BCL11B: variants seen among roughly 807,000 people sequenced by gnomAD.
BCL11B encodes B-cell lymphoma/leukemia 11B.
In BCL11B, 8 loss-of-function variants were observed where a neutral mutation model predicts 49.9. That is an observed-to-expected ratio of 0.16 (90% CI 0.09 to 0.29). BCL11B has a LOEUF of 0.29. Ranked by LOEUF, BCL11B falls within the 10% of genes least tolerant of loss-of-function variation. The probability of loss-of-function intolerance (pLI) is 1.00; values close to 1 mark genes in which losing one functional copy is unlikely to be tolerated. For synonymous variants in BCL11B, 739 were observed against 637.4 expected, an observed-to-expected ratio of 1.16 and a Z score of -2.40; for missense variants, 1,006 against 1,351.0, an observed-to-expected ratio of 0.74 and a Z score of 4.00.
intron 3 of BCL11B, among the ~76,000 whole-genome samples, chr14:99,203,324 G>C (rs1014306202): frequency 1.3e-5 from 2 of 152,222 alleles, no homozygotes; most frequent in African/African-American, 4.8e-5. Context: ...CCAGGACAGA[G>C]AGAGACTTCT....
At chr14:99,230,114 C>G (rs1463848967) in intron 3 of BCL11B, among the ~76,000 whole-genome samples, 23 of 152,166 alleles carry the variant, frequency 1.5e-4, no homozygotes, top group Admixed American at 1.5e-3. Context: ...GGAGGGTACA[C>G]TAAAGCTCCA....
intron 3 of BCL11B, among the ~76,000 whole-genome samples, chr14:99,229,254 G>T (rs1468323663): frequency 6.6e-6 from 1 of 152,204 alleles, no homozygotes; most frequent in East Asian, 1.9e-4. Flanking sequence ...TGCTGTGAGG[G>T]TTAAATTCAA....
intron 3 of BCL11B, among the ~76,000 whole-genome samples, chr14:99,199,673 TGTGTGTGTGTGCGCGC>T (rs1358613164): frequency 2.7e-4 from 23 of 84,440 alleles, no homozygotes; most frequent in South Asian, 1.2e-3. Flanking sequence ...TGTGTGTGTG[TGTGTGTGTGTGCGCGC>T]GCGCGCGCAC....
chr14:99,235,780 C>T (rs1888480084), intron 2 of BCL11B, among the ~76,000 whole-genome samples: 1 of 151,786 alleles, frequency 6.6e-6, no homozygotes, highest in Non-Finnish European at 1.5e-5. Flanking sequence ...GACTGTTTGA[C>T]AAGTTTGCAA....
intron 3 of BCL11B, among the ~76,000 whole-genome samples, chr14:99,208,503 G>A (rs962181057): frequency 3.9e-5 from 6 of 152,194 alleles, no homozygotes; most frequent in African/African-American, 1.2e-4. Flanking sequence ...GTCTCCTGAA[G>A]CGCTAAAGTA....
Position 99,171,196 on chromosome 14 carries a change from C to G in BCL11B, c.*2955G>C, listed in dbSNP as rs760876290. On this transcript the variant is annotated 3_prime_UTR_variant, in exon 4 of 4. Transcript: ENST00000357195. ...GGGGCGTTCAGAGAGAAGCCCAACA[C>G]GAACGGTTCTCTGTGTAGGCCAATT... 4.4e-6 allele frequency: 1 copy of G among 228,698 alleles called. No homozygotes were observed. Among genetic ancestry groups the G allele is most frequent in the African/African-American group, 2.2e-5 (1 of 45,054 alleles). The allele number at this position is 228,698 out of a possible 1,614,324, so 14.2% of individuals were successfully genotyped here.
chr14:99,259,780 G>A (rs1029193866), intron 1 of BCL11B, among the ~76,000 whole-genome samples: 21 of 152,214 alleles, frequency 1.4e-4, no homozygotes, highest in African/African-American at 3.1e-4. Context: ...ACAATGCCAC[G>A]TAATTAATTT....
chr14:99,218,806 G>T (rs1034983488), intron 3 of BCL11B, among the ~76,000 whole-genome samples: 4 of 152,190 alleles, frequency 2.6e-5, no homozygotes, highest in African/African-American at 7.2e-5. Flanking sequence ...GTCACTGCAG[G>T]TGTGACTAAG....
At chr14:99,253,768 C>T (rs927708341) in intron 2 of BCL11B, among the ~76,000 whole-genome samples, 24 of 152,300 alleles carry the variant, frequency 1.6e-4, no homozygotes, top group African/African-American at 5.5e-4. Flanking sequence ...CCTCTCAGCT[C>T]CCCCAAAGGA....
At position 99,241,451 on chromosome 14, in the gene BCL11B, A is replaced by G. The variant is rs775338498; in HGVS notation, c.428-9894T>C. On this transcript the variant is annotated intron_variant, in intron 2 of 3. Transcript: ENST00000357195. This position sits in a 1 kb window ranked among gnomAD's most constrained non-coding sequence, Gnocchi z 4.4. ...TCGCTCAGGAGGCCTCAGAGACTAA[A>G]CAGACACAAAACCCAAAAGAAAAAG... Among the ~76,000 whole-genome samples, 3 of 151,980 alleles carry G rather than the reference A, an allele frequency of 2.0e-5. No homozygotes were observed.
chr14:99,234,648 G>C (rs894918688), intron 2 of BCL11B, among the ~76,000 whole-genome samples: 2 of 152,076 alleles, frequency 1.3e-5, no homozygotes, highest in African/African-American at 2.4e-5. Flanking sequence ...CCCTGAGCCA[G>C]AGCCGGAGAT....
At chr14:99,246,398 T>C (rs1215304023) in intron 2 of BCL11B, among the ~76,000 whole-genome samples, 2 of 151,824 alleles carry the variant, frequency 1.3e-5, no homozygotes, top group Admixed American at 6.5e-5. Flanking sequence ...GGGAAGGAGG[T>C]GGACGATGGG....
chr14:99,189,049 G>A (rs1189410237), intron 3 of BCL11B, among the ~76,000 whole-genome samples: 1 of 152,240 alleles, frequency 6.6e-6, no homozygotes, highest in Non-Finnish European at 1.5e-5. Context: ...GCTTCCCCGG[G>A]GGATTTTGGG....
At position 99,247,955 on chromosome 14, in the gene BCL11B, T is replaced by A. The variant is rs1313827164; in HGVS notation, c.427+9516A>T. ...GGCTTAGAGACAGAGCAGGCGGTCC[T>A]GGGCTGGGGGGCTCACCCTGCCCTT... On this transcript the variant is annotated intron_variant, in intron 2 of 3. Transcript: ENST00000357195. This position sits in a 1 kb window ranked among gnomAD's most constrained non-coding sequence, Gnocchi z 4.5. Among the ~76,000 whole-genome samples, 1 of 152,214 alleles carries A rather than the reference T, an allele frequency of 6.6e-6. No homozygotes were observed. Among genetic ancestry groups the A allele is most frequent in the Non-Finnish European group, 1.5e-5 (1 of 68,040 alleles).
At chr14:99,245,892 T>C (rs1184729347) in intron 2 of BCL11B, among the ~76,000 whole-genome samples, 4 of 150,262 alleles carry the variant, frequency 2.7e-5, no homozygotes, top group African/African-American at 9.8e-5. Flanking sequence ...GGAAGGGGGC[T>C]GGCCCGGGGC....
chr14:99,174,837 C>T lies in BCL11B; in HGVS notation c.1999G>A (p.Gly667Arg). Residue 667 changes from glycine to arginine, a missense_variant, in exon 4 of 4, where the codon GGG (glycine) becomes AGG (arginine). Gly to Arg is a moderately radical substitution (Grantham distance 125). This residue lies in a region of BCL11B where 443 missense variants were observed against 499.7 expected (regional missense o/e 0.89). Transcript: ENST00000357195. ...GFAPGTEPFP[G>R]LFPRKPAPLP... Reference sequence around the variant, plus strand: ...GGCGCGGGCTTGCGCGGGAAGAGCCCGGGGAAGGGCTCGGTGCCTGGCGCG... The same window carrying T: ...GGCGCGGGCTTGCGCGGGAAGAGCCTGGGGAAGGGCTCGGTGCCTGGCGCG... 1 of 1,323,858 alleles carries T rather than the reference C, an allele frequency of 7.6e-7. No individual in the cohort carries two copies. The highest frequency in any genetic ancestry group is 9.6e-7 in the Non-Finnish European group (1 of 1,037,542). 82.0% of individuals were successfully genotyped at this position (1,323,858 alleles called of 1,614,324 possible).
In BCL11B at chr14:99,172,694, C is replaced by T. The variant is rs544909337; in HGVS notation, c.*1457G>A. 9.2e-6 allele frequency: 2 copies of T among 216,784 alleles called. No homozygotes were observed. The highest frequency in any genetic ancestry group is 1.9e-4 in the South Asian group (1 of 5,354). The allele number at this position is 216,784 out of a possible 1,614,324, so 13.4% of individuals were successfully genotyped here. A position where few individuals can be genotyped will look rare whatever the true frequency, so the allele number is the denominator to read the frequency against. Reference sequence around the variant, plus strand: ...AGCTGTCCCTTACAGTTTAACCCACCTCTGGGCCAAAGAGAAGAATATGCT... The same window carrying T: ...AGCTGTCCCTTACAGTTTAACCCACTTCTGGGCCAAAGAGAAGAATATGCT... On this transcript the variant is annotated 3_prime_UTR_variant, in exon 4 of 4. Coordinates refer to ENST00000357195, the MANE Select transcript of BCL11B (RefSeq NM_138576.4).
At position 99,172,808 on chromosome 14, in the gene BCL11B, A is replaced by C. The variant is rs1421372725; in HGVS notation, c.*1343T>G. 1 of 219,274 alleles carries C rather than the reference A, an allele frequency of 4.6e-6. No individual in the cohort carries two copies. The highest frequency in any genetic ancestry group is 2.2e-5 in the African/African-American group (1 of 44,446). The allele number at this position is 219,274 out of a possible 1,614,324, so 13.6% of individuals were successfully genotyped here. A position where few individuals can be genotyped will look rare whatever the true frequency, so the allele number is the denominator to read the frequency against. ...CAGAATTCAAATGTCTAATCTTAAC[A>C]GTTCAATATTTAGTACCTTCCAACC... On this transcript the variant is annotated 3_prime_UTR_variant, in exon 4 of 4. Transcript: ENST00000357195.
intron 3 of BCL11B, among the ~76,000 whole-genome samples, chr14:99,182,825 A>G (rs1886746755): frequency 6.6e-6 from 1 of 152,240 alleles, no homozygotes; most frequent in East Asian, 1.9e-4. Context: ...CCAGGCAGTC[A>G]TTGCCAAATA....
Sources: allele counts gnomAD v4.1 joint callset (sites outside exome capture counted in the v4.1 genomes callset), GRCh38; gene constraint gnomAD v4.1.1; regional missense constraint gnomAD v4.1.1; non-coding constraint Gnocchi (gnomAD v3.1); transcripts MANE v1.5; gene names NCBI Gene and HGNC (gene_info 2026-07-23, HGNC 2026-07-21).